The following ITGA1 variants were observed in gnomAD, a reference collection of about 807,000 sequenced individuals.
The protein encoded by ITGA1 is integrin subunit alpha 1.
In ITGA1, 85 loss-of-function variants were observed where a neutral mutation model predicts 145.9. That is an observed-to-expected ratio of 0.58 (90% CI 0.49 to 0.70). The LOEUF (loss-of-function observed/expected upper bound fraction) is 0.70, where lower values mean the gene tolerates loss of function less well. ITGA1 is among the 30% of genes least tolerant of loss of function. The pLI, the probability that ITGA1 is intolerant of heterozygous loss-of-function variation, is 0.00. For missense variants in ITGA1, 1,351 were observed against 1,418.7 expected (o/e 0.95, Z 0.77); for synonymous variants, 520 against 495.3 (o/e 1.05, Z -0.66).
intron 7 of ITGA1, among the ~76,000 whole-genome samples, chr5:52,886,344 C>T (rs1026120296): frequency 6.6e-6 from 1 of 152,184 alleles, no homozygotes; most frequent in African/African-American, 2.4e-5. Context: ...GAATCCTTTT[C>T]CCCATTTCAC....
intron 16 of ITGA1, among the ~76,000 whole-genome samples, chr5:52,919,574 G>A (rs1056049885): frequency 6.6e-6 from 1 of 152,164 alleles, no homozygotes; most frequent in Admixed American, 6.6e-5. Context: ...AGCAGAATGA[G>A]AAAAGCCATT....
At chr5:52,821,742 C>T (rs1748882800) in intron 1 of ITGA1, among the ~76,000 whole-genome samples, 1 of 152,182 alleles carries the variant, frequency 6.6e-6, no homozygotes, top group African/African-American at 2.4e-5. Flanking sequence ...CACAACTATT[C>T]AGCCTTAACA....
intron 1 of ITGA1, chr5:52,801,299 C>G: frequency 1.8e-6 from 2 of 1,139,122 alleles, no homozygotes; most frequent in Non-Finnish European, 2.5e-6. Context: ...GAGTAAACTT[C>G]GCTGAAACAT....
At chr5:52,923,166 C>T in intron 18 of ITGA1, among the ~76,000 whole-genome samples, 1 of 152,096 alleles carries the variant, frequency 6.6e-6, no homozygotes, top group East Asian at 1.9e-4. Flanking sequence ...GAGAGGAACT[C>T]CAGATGTACA....
In ITGA1 at chr5:52,876,643, T is replaced by G. The variant is rs1579691752; in HGVS notation, c.625-5230T>G. Among the ~76,000 whole-genome samples, 4 of 152,228 alleles carry G rather than the reference T, an allele frequency of 2.6e-5. No homozygotes were observed. The South Asian group carries it at 8.3e-4, about 32-fold the overall frequency. On this transcript the variant is annotated intron_variant, in intron 6 of 28. Coordinates refer to ENST00000282588, the MANE Select transcript of ITGA1 (RefSeq NM_181501.2). Reference sequence around the variant, plus strand: ...GTTACAGTCATCTAGTAAGAATGTCTTAGGGTCAGCTGTGAGCAAAGCAAA... The same window carrying G: ...GTTACAGTCATCTAGTAAGAATGTCGTAGGGTCAGCTGTGAGCAAAGCAAA...
At chr5:52,874,383 T>G (rs563257981) in intron 6 of ITGA1, among the ~76,000 whole-genome samples, 7 of 151,774 alleles carry the variant, frequency 4.6e-5, no homozygotes, top group African/African-American at 1.7e-4. Flanking sequence ...AGACCAAGCA[T>G]CAACATGAGT....
intron 21 of ITGA1, chr5:52,931,775 G>A (rs1205617192): frequency 7.9e-6 from 2 of 254,458 alleles, no homozygotes; most frequent in African/African-American, 2.2e-5. Flanking sequence ...ATTAAACTGA[G>A]GGATTCTTAT....
chr5:52,873,281 A>C (rs1054109989), intron 6 of ITGA1, among the ~76,000 whole-genome samples: 1 of 152,054 alleles, frequency 6.6e-6, no homozygotes, highest in Non-Finnish European at 1.5e-5. Context: ...ACCTAGCCCT[A>C]TTCCCCTCAG....
chr5:52,789,362 G>A (rs561279428), intron 1 of ITGA1, among the ~76,000 whole-genome samples: 3 of 152,118 alleles, frequency 2.0e-5, no homozygotes, highest in Non-Finnish European at 2.9e-5. Flanking sequence ...CAATTGTTCA[G>A]TGTTTTTACT....
chr5:52,805,393 T>G (rs975886), intron 1 of ITGA1, among the ~76,000 whole-genome samples: 1 of 152,150 alleles, frequency 6.6e-6, no homozygotes, highest in East Asian at 1.9e-4. Context: ...TAGGAAGATA[T>G]GAGAGAAAAA....
intron 1 of ITGA1, among the ~76,000 whole-genome samples, chr5:52,841,902 G>A (rs1480952820): frequency 1.3e-5 from 2 of 152,130 alleles, no homozygotes; most frequent in Admixed American, 1.3e-4. Flanking sequence ...TTTGGCAAGA[G>A]GTAAGAGCTA....
chr5:52,820,810 T>C (rs1304707593), intron 1 of ITGA1, among the ~76,000 whole-genome samples: 1 of 152,232 alleles, frequency 6.6e-6, no homozygotes, highest in Non-Finnish European at 1.5e-5. Flanking sequence ...TATCTCAGTT[T>C]TTTTTTATTG....
At chr5:52,873,392 C>T (rs553089818) in intron 6 of ITGA1, among the ~76,000 whole-genome samples, 1 of 152,170 alleles carries the variant, frequency 6.6e-6, no homozygotes, top group African/African-American at 2.4e-5. Flanking sequence ...ACGTCACTTT[C>T]ATTGTAGCAT....
At chr5:52,897,332 C>G (rs1750241923) in intron 9 of ITGA1, 123 bp from the exon 10 acceptor site, 2 of 669,342 alleles carry the variant, frequency 3.0e-6, no homozygotes, top group East Asian at 5.6e-5. Flanking sequence ...TGAAAATGCC[C>G]TAAGATGTTT....
At chr5:52,889,869 CCTT>C (rs1240639633) in intron 8 of ITGA1, 1 of 150,814 alleles carries the variant, frequency 6.6e-6, no homozygotes, top group African/African-American at 2.5e-5. Context: ...CCAAGACTCT[CCTT>C]CTTCTTAGAG....
At chr5:52,804,002 CTA>C (rs1355873862) in intron 1 of ITGA1, 6 of 152,042 alleles carry the variant, frequency 3.9e-5, no homozygotes, top group African/African-American at 1.4e-4. Flanking sequence ...GTTTTTATGT[CTA>C]TGAATTATTA....
chr5:52,888,626 C>T (rs1234025897), intron 8 of ITGA1, among the ~76,000 whole-genome samples: 1 of 152,226 alleles, frequency 6.6e-6, no homozygotes, highest in Non-Finnish European at 1.5e-5. Context: ...AAAATGTAGA[C>T]ATTCTAGTGG....
At position 52,952,443 on chromosome 5, in the gene ITGA1, G is replaced by A. The variant is rs763814347; in HGVS notation, c.3532G>A (p.Glu1178Lys). The A allele has an allele frequency of 1.1e-5, 15 of 1,390,480 alleles. No individual in the cohort carries two copies. The South Asian group carries it at 1.6e-4, about 14-fold the overall frequency. 86.1% of individuals were successfully genotyped at this position (1,390,480 alleles called of 1,614,324 possible). A position where few individuals can be genotyped will look rare whatever the true frequency, so the allele number is the denominator to read the frequency against. ...FFKRPLKKKM[E>K]K ...CAAAAGACCACTGAAAAAGAAAATG[G>A]AGAAATGAAATATTTTATGAAAGAA... The change falls in exon 29 of 29, where the codon GAG becomes AAG. Residue 1178 changes from glutamate to lysine, a missense_variant. Physicochemically the swap from Glu to Lys is moderately conservative, Grantham distance 56. Coordinates refer to ENST00000282588, the MANE Select transcript of ITGA1 (RefSeq NM_181501.2).
At chr5:52,854,005 G>C (rs1260073791) in intron 2 of ITGA1, among the ~76,000 whole-genome samples, 4 of 152,144 alleles carry the variant, frequency 2.6e-5, no homozygotes, top group Non-Finnish European at 5.9e-5. Context: ...TTGCTGCTTT[G>C]CTTCATTCCT....
Sources: gnomAD v4.1 joint callset for allele counts (sites outside exome capture counted in the v4.1 genomes callset) on GRCh38, gnomAD v4.1.1 for gene constraint, MANE v1.5 for transcripts, NCBI Gene and HGNC (gene_info 2026-07-23, HGNC 2026-07-21) for gene names.